The following PDE4D variants were observed in gnomAD, a reference collection of about 807,000 sequenced individuals.
PDE4D encodes phosphodiesterase 4D.
A neutral mutation model predicts 87.4 loss-of-function variants in PDE4D; 24 were observed. That is an observed-to-expected ratio of 0.27 (90% CI 0.20 to 0.39). The LOEUF (loss-of-function observed/expected upper bound fraction) is 0.39. Ranked by LOEUF, PDE4D falls within the 10% of genes least tolerant of loss-of-function variation. PDE4D has a pLI of 1.00. For missense variants in PDE4D, 714 were observed against 1,041.0 expected, an observed-to-expected ratio of 0.69 and a Z score of 4.32; for synonymous variants, 384 against 383.2, an observed-to-expected ratio of 1.00 and a Z score of -0.02.
At chr5:60,279,116 C>T (rs1562282674) in intron 1 of PDE4D, among the ~76,000 whole-genome samples, 1 of 152,154 alleles carries the variant, frequency 6.6e-6, no homozygotes, top group Non-Finnish European at 1.5e-5. Context: ...CCCAGATTCC[C>T]CATTCAGCAT....
At position 59,952,536 on chromosome 5, in the gene PDE4D, TA is replaced by T. The variant is rs1679412408; in HGVS notation, c.272+35951del. 2.0e-5 allele frequency among the ~76,000 whole-genome samples: 3 copies of T among 152,176 alleles called. No individual in the cohort carries two copies. The South Asian group carries it at 6.2e-4, about 32-fold the overall frequency. On this transcript the variant is annotated intron_variant, in intron 3 of 16. Coordinates refer to the PDE4D transcript ENST00000502484. ...TTATGTTACTTTACGTTGTGACTGG[TA>T]GAATCTATGAGTTGGATTTACGTTC...
At chr5:59,824,566 A>G (rs999797807) in intron 1 of PDE4D, among the ~76,000 whole-genome samples, 9 of 152,344 alleles carry the variant, frequency 5.9e-5, no homozygotes, top group African/African-American at 1.7e-4. Flanking sequence ...GTAAAGATTG[A>G]GTATCTATCT....
chr5:59,430,133 T>A (rs1795897129), intron 1 of PDE4D, among the ~76,000 whole-genome samples: 1 of 152,208 alleles, frequency 6.6e-6, no homozygotes. Context: ...TATTTCCAGC[T>A]TTCCTCTCTG....
At chr5:59,774,689 C>CTT (rs71604800) in intron 1 of PDE4D, among the ~76,000 whole-genome samples, 8,214 of 132,380 alleles carry the variant, frequency 0.062, 774 homozygotes, top group African/African-American at 0.21. Flanking sequence ...TTTCTTTTTT[C>CTT]TTTTTTTTTT....
intron 2 of PDE4D, among the ~76,000 whole-genome samples, chr5:60,068,844 C>G (rs1772407440): frequency 6.6e-6 from 1 of 152,150 alleles, no homozygotes; most frequent in South Asian, 2.1e-4. Flanking sequence ...TCAAACAATT[C>G]ACCCACAAGC....
intron 1 of PDE4D, among the ~76,000 whole-genome samples, chr5:59,444,732 A>G (rs1582636951): frequency 6.6e-6 from 1 of 152,246 alleles, no homozygotes; most frequent in South Asian, 2.1e-4. Context: ...GAATGGCATG[A>G]ACCTGGGAGG....
At chr5:60,122,897 A>ACCT (rs2149382298) in intron 2 of PDE4D, among the ~76,000 whole-genome samples, 1 of 151,940 alleles carries the variant, frequency 6.6e-6, no homozygotes, top group African/African-American at 2.4e-5. Context: ...CACTCAAGTC[A>ACCT]CCTCTTGAAT....
chr5:59,609,564 G>A (rs768856748), intron 1 of PDE4D, among the ~76,000 whole-genome samples: 9 of 152,130 alleles, frequency 5.9e-5, no homozygotes, highest in African/African-American at 1.7e-4. Context: ...GAACTTTCCC[G>A]ACTGTGGTGT....
intron 5 of PDE4D, among the ~76,000 whole-genome samples, chr5:59,127,391 T>A (rs1335065958): frequency 1.3e-5 from 2 of 152,168 alleles, no homozygotes; most frequent in Admixed American, 1.3e-4. Context: ...CATGCAGAAG[T>A]GTTAACAGAA....
At chr5:59,876,572 G>A (rs1035046165) in intron 1 of PDE4D, among the ~76,000 whole-genome samples, 2 of 152,036 alleles carry the variant, frequency 1.3e-5, no homozygotes, top group African/African-American at 4.8e-5. Flanking sequence ...GACTCTATCT[G>A]CTATACTGGA....
chr5:60,241,271 C>CTTTTTTTTTTTTTTTTTT (rs371953042), intron 1 of PDE4D, among the ~76,000 whole-genome samples: 1 of 96,990 alleles, frequency 1.0e-5, no homozygotes, highest in Non-Finnish European at 2.0e-5. Flanking sequence ...CTCTCTCTCT[C>CTTTTTTTTTTTTTTTTTT]TTTTTTTTTT....
intron 1 of PDE4D, among the ~76,000 whole-genome samples, chr5:59,288,855 C>T (rs966316114): frequency 6.6e-6 from 1 of 151,992 alleles, no homozygotes; most frequent in African/African-American, 2.4e-5. Flanking sequence ...AAAATATTCT[C>T]CAAACATGGA....
chr5:59,560,305 A>G (rs2153691312), intron 1 of PDE4D, among the ~76,000 whole-genome samples: 1 of 152,318 alleles, frequency 6.6e-6, no homozygotes, highest in African/African-American at 2.4e-5. Flanking sequence ...TACACGCATT[A>G]TCTGTTTTAT....
chr5:60,480,613 C>T (rs1385286054), intron 1 of PDE4D, among the ~76,000 whole-genome samples: 1 of 152,082 alleles, frequency 6.6e-6, no homozygotes, highest in East Asian at 1.9e-4. Context: ...GCAGTTCTTG[C>T]CATTTTCATG....
At chr5:59,455,403 C>G (rs1163968594) in intron 1 of PDE4D, among the ~76,000 whole-genome samples, 2 of 152,224 alleles carry the variant, frequency 1.3e-5, no homozygotes, top group African/African-American at 2.4e-5. Flanking sequence ...TGGCAACTTC[C>G]ATGTGGTGTT....
chr5:60,486,469 G>A (rs528805967), intron 1 of PDE4D, among the ~76,000 whole-genome samples: 9 of 152,264 alleles, frequency 5.9e-5, no homozygotes, highest in African/African-American at 2.2e-4. Context: ...AGGAGTCTAC[G>A]TTGGCTACTT....
In PDE4D at chr5:58,970,375, T is replaced by C. The variant is rs1046037384; in HGVS notation, c.*4289A>G. The C allele has an allele frequency of 1.3e-5, 2 of 151,982 alleles. No homozygotes were observed. The highest frequency in any genetic ancestry group is 2.9e-5 in the Non-Finnish European group (2 of 67,968). The allele number at this position is 151,982 out of a possible 1,614,324, so 9.4% of individuals were successfully genotyped here. A position where few individuals can be genotyped will look rare whatever the true frequency, so the allele number is the denominator to read the frequency against. ...CTACAGTTTGTGTCAAAAAATAAAA[T>C]AAAATAAAATAAAATAGGCTCATTT... On this transcript the variant is annotated 3_prime_UTR_variant, in exon 15 of 15. Transcript: ENST00000340635.
chr5:59,565,080 GCA>G (rs1250298978), intron 1 of PDE4D, among the ~76,000 whole-genome samples: 1 of 152,140 alleles, frequency 6.6e-6, no homozygotes, highest in Non-Finnish European at 1.5e-5. Flanking sequence ...CTGGGGTGTG[GCA>G]CATGAGGTTG....
At chr5:59,803,865 G>A (rs1394450656) in intron 1 of PDE4D, among the ~76,000 whole-genome samples, 3 of 152,142 alleles carry the variant, frequency 2.0e-5, no homozygotes, top group African/African-American at 7.2e-5. Context: ...TAGAAAATTA[G>A]TTGTTTTAAA....
Sources: gnomAD v4.1 joint callset for allele counts (sites outside exome capture counted in the v4.1 genomes callset) on GRCh38, gnomAD v4.1.1 for gene constraint, MANE v1.5 for transcripts, NCBI Gene and HGNC (gene_info 2026-07-23, HGNC 2026-07-21) for gene names.